The following SI variants were observed in gnomAD, a reference collection of about 807,000 sequenced individuals.
The protein encoded by SI is sucrase-isomaltase.
A neutral mutation model predicts 253.3 loss-of-function variants in SI; 235 were observed. That is an observed-to-expected ratio of 0.93 (90% CI 0.83 to 1.03). The LOEUF is 1.03. Ranked by LOEUF, SI falls within the 50% of genes least tolerant of loss-of-function variation. The pLI is 0.00. For missense variants in SI, 2,442 were observed against 2,211.1 expected (o/e 1.10, Z -2.09); for synonymous variants, 819 against 712.0 (o/e 1.15, Z -2.39).
intron 47 of SI, 33 bp downstream of exon 47, chr3:164,982,210 C>T (rs41273561): frequency 0.14 from 214,781 of 1,568,302 alleles, 18,453 homozygotes; most frequent in African/African-American, 0.41. Flanking sequence ...TAAATACGTA[C>T]GCTTTTGAAA....
chr3:165,058,433 G>T (rs1444631367), intron 12 of SI, among the ~76,000 whole-genome samples: 1 of 151,624 alleles, frequency 6.6e-6, no homozygotes, highest in Non-Finnish European at 1.5e-5. Flanking sequence ...AAGAAAAAAT[G>T]ATCAGAGAAG....
chr3:165,011,869 G>C (rs1718787171), intron 34 of SI, among the ~76,000 whole-genome samples: 1 of 151,254 alleles, frequency 6.6e-6, no homozygotes, highest in Non-Finnish European at 1.5e-5. Flanking sequence ...TTTCAGTTCT[G>C]TTAATGTTTA....
intron 1 of SI, among the ~76,000 whole-genome samples, chr3:165,076,716 A>G (rs1411420488): frequency 6.6e-6 from 1 of 151,722 alleles, no homozygotes; most frequent in Non-Finnish European, 1.5e-5. Flanking sequence ...TTATTAAAAG[A>G]CATTATACTT....
At chr3:165,056,750 G>A (rs1713711496) in intron 12 of SI, among the ~76,000 whole-genome samples, 1 of 152,126 alleles carries the variant, frequency 6.6e-6, no homozygotes, top group Non-Finnish European at 1.5e-5. Context: ...GTCTGCAAGA[G>A]CCATGGCATT....
chr3:165,000,160 C>T (rs1253815442), intron 37 of SI, among the ~76,000 whole-genome samples: 1 of 151,282 alleles, frequency 6.6e-6, no homozygotes, highest in East Asian at 1.9e-4. Context: ...TTTACAAGGA[C>T]AGTGTTGTCA....
chr3:165,007,719 G>C (rs1012948259), intron 36 of SI, among the ~76,000 whole-genome samples, 192 bp downstream of exon 36: 8 of 150,342 alleles, frequency 5.3e-5, no homozygotes, highest in Admixed American at 2.7e-4. Flanking sequence ...TGTGTGGGTG[G>C]GTAGTGAAAA....
chr3:164,991,131 G>T (rs1366707866), intron 44 of SI, among the ~76,000 whole-genome samples: 1 of 152,082 alleles, frequency 6.6e-6, no homozygotes, highest in African/African-American at 2.4e-5. Context: ...ATCCCCATGG[G>T]ACTTGGTGGA....
At chr3:165,084,723 A>G in the SI span, among the ~76,000 whole-genome samples, 588 of 152,104 alleles carry the variant, frequency 3.9e-3, 2 homozygotes, top group East Asian at 0.012. Context: ...TTATTACAGA[A>G]AATATCACTT....
At chr3:165,053,582 T>C (rs1029933264) in intron 13 of SI, among the ~76,000 whole-genome samples, 1 of 152,162 alleles carries the variant, frequency 6.6e-6, no homozygotes, top group Non-Finnish European at 1.5e-5. Context: ...TGTTTGTTTG[T>C]TTAAGGCTTA....
chr3:165,023,842 T>C, intron 25 of SI, 66 bp from the exon 26 acceptor site: 1 of 1,102,478 alleles, frequency 9.1e-7, no homozygotes, highest in South Asian at 1.3e-5. Flanking sequence ...TCTTTAAAAT[T>C]ATACTGACGT....
rs1420956343 is a variant in SI at position 164,998,691 on chromosome 3, T to C, written c.4407-18A>G. 6.2e-7 allele frequency: 1 copy of C among 1,604,674 alleles called. No individual in the cohort carries two copies. On this transcript the variant is annotated intron_variant, in intron 37 of 47. Transcript: ENST00000264382. ...GCAATGCACTAATATAGTAGAGAAG[T>C]ATTTTTGAGTTTTTACATGAGATAT...
chr3:165,048,850 C>G (rs1320059325), intron 15 of SI, among the ~76,000 whole-genome samples: 2 of 151,972 alleles, frequency 1.3e-5, no homozygotes, highest in East Asian at 3.9e-4. Flanking sequence ...CTCCTGACTT[C>G]AGGTGTTGTG....
At chr3:165,058,921 G>T in intron 12 of SI, 42 bp downstream of exon 12, 2 of 1,544,046 alleles carry the variant, frequency 1.3e-6, no homozygotes, top group Non-Finnish European at 1.8e-6. Context: ...TTTCAGAGAA[G>T]AAAATTTGAG....
intron 1 of SI, 34 bp from the exon 2 acceptor site, chr3:165,076,046 A>C: frequency 1.5e-6 from 2 of 1,343,796 alleles, no homozygotes; most frequent in Non-Finnish European, 2.1e-6. Flanking sequence ...TTTAAAATGT[A>C]AAATATATAA....
chr3:165,007,890 G>A (rs757461466), intron 36 of SI, 21 bp downstream of exon 36: 1 of 1,230,350 alleles, frequency 8.1e-7, no homozygotes, highest in Non-Finnish European at 1.2e-6. Flanking sequence ...TAATATCAAA[G>A]GCATACCAAC....
Position 165,016,009 on chromosome 3 carries a change from G to T in SI, c.3831C>A (p.Asp1277Glu). The T allele has an allele frequency of 6.2e-7, 1 of 1,611,414 alleles. No homozygotes were observed. The highest frequency in any genetic ancestry group is 1.1e-5 in the South Asian group (1 of 91,038). The change falls in exon 32 of 48, where the codon GAC (aspartate) becomes GAA (glutamate). Residue 1277 changes from aspartate (D) to glutamate (E), a missense_variant. Transcript: ENST00000264382. ...TTATTTTGTCAACAAACTGAGGAAGGTCCTGGAATGCTTCACCAATTGTAA... is the reference window on the plus strand; with the variant it reads ...TTATTTTGTCAACAAACTGAGGAAGTTCCTGGAATGCTTCACCAATTGTAA... ...LDFTIGEAFQ[D>E]LPQFVDKIRG...
intron 34 of SI, among the ~76,000 whole-genome samples, chr3:165,010,732 A>G (rs963180556): frequency 1.3e-5 from 2 of 152,190 alleles, no homozygotes; most frequent in African/African-American, 2.4e-5. Flanking sequence ...GATTATATCC[A>G]GAAAATCAAT....
At chr3:165,037,207 A>G (rs1366181632) in intron 21 of SI, among the ~76,000 whole-genome samples, 1 of 151,994 alleles carries the variant, frequency 6.6e-6, no homozygotes, top group Non-Finnish European at 1.5e-5. Context: ...CATACAAGAA[A>G]AGAATAAATA....
the SI span, among the ~76,000 whole-genome samples, chr3:165,089,107 G>T: frequency 1.4e-5 from 2 of 138,630 alleles, no homozygotes; most frequent in African/African-American, 2.7e-5. Context: ...TAATTAAATT[G>T]GTATATTCGT....
Sources: gnomAD v4.1 joint callset for allele counts (sites outside exome capture counted in the v4.1 genomes callset) on GRCh38, gnomAD v4.1.1 for gene constraint, MANE v1.5 for transcripts, NCBI Gene and HGNC (gene_info 2026-07-23, HGNC 2026-07-21) for gene names.